NAPB: variants seen among roughly 807,000 people sequenced by gnomAD.
NAPB encodes NSF attachment protein beta.
In NAPB, 26 loss-of-function variants were observed where a neutral mutation model predicts 44.7. The ratio of observed to expected loss-of-function variants is 0.58; its 90% CI spans 0.43 to 0.81. The LOEUF is 0.81. Ranked by LOEUF, NAPB falls within the 30% of genes least tolerant of loss-of-function variation. NAPB has a pLI of 0.00. For missense variants in NAPB, 315 were observed against 356.4 expected (o/e 0.88, Z 0.94); for synonymous variants, 120 against 116.8 (o/e 1.03, Z -0.18).
chr20:23,403,754 C>T (rs561985172), intron 1 of NAPB, among the ~76,000 whole-genome samples: 3 of 152,204 alleles, frequency 2.0e-5, no homozygotes, highest in Admixed American at 6.5e-5. Context: ...GTTAAAAGTA[C>T]GTTTTTCAAA....
Position 23,379,512 on chromosome 20 carries a change from ATTTT to A in NAPB, c.736-21_736-18del. 6.3e-7 allele frequency: 1 copy of A among 1,595,236 alleles called. No homozygotes were observed. The highest frequency in any genetic ancestry group is 1.8e-5 in the Admixed American group (1 of 56,654). On this transcript the variant is annotated intron_variant, in intron 9 of 10. Coordinates refer to ENST00000377026, the MANE Select transcript of NAPB (RefSeq NM_022080.3). ...TAGGAGTTTCTGGTAGCATAAAAATATTTTAAAAAACAGTTCTGTAAGATGAAGT... is the reference window on the plus strand; with the variant it reads ...TAGGAGTTTCTGGTAGCATAAAAATAAAAAAACAGTTCTGTAAGATGAAGT...
At chr20:23,396,896 C>A in intron 3 of NAPB, 176 bp downstream of exon 3, 1 of 489,834 alleles carries the variant, frequency 2.0e-6, no homozygotes, top group East Asian at 3.6e-5. Context: ...TAAAAGCCCC[C>A]AAATGATTAA....
At chr20:23,417,985 G>C (rs528687252) in intron 1 of NAPB, among the ~76,000 whole-genome samples, 15 of 152,308 alleles carry the variant, frequency 9.8e-5, no homozygotes, top group African/African-American at 3.6e-4. Flanking sequence ...TAAGAATACA[G>C]TATTGCCACA....
At chr20:23,415,008 T>C (rs962224413) in intron 1 of NAPB, among the ~76,000 whole-genome samples, 4 of 152,278 alleles carry the variant, frequency 2.6e-5, no homozygotes, top group African/African-American at 7.2e-5. Context: ...TGAATTAAGA[T>C]TTAAATATGC....
At position 23,377,202 on chromosome 20, in the gene NAPB, C is replaced by A; in HGVS notation, c.*174G>T. 5.3e-6 allele frequency: 2 copies of A among 379,574 alleles called. No individual in the cohort carries two copies. Among genetic ancestry groups the A allele is most frequent in the South Asian group, 9.5e-5 (1 of 10,530 alleles). 23.5% of individuals were successfully genotyped at this position (379,574 alleles called of 1,614,324 possible). ...ATCATTACCACAAGATGAACAGGAGCCTCTCCTTCATTCATTTCACAGCAA... is the reference window on the plus strand; with the variant it reads ...ATCATTACCACAAGATGAACAGGAGACTCTCCTTCATTCATTTCACAGCAA... On this transcript the variant is annotated 3_prime_UTR_variant, in exon 11 of 11. Transcript: ENST00000377026.
At position 23,376,092 on chromosome 20, in the gene NAPB, G is replaced by C. The variant is rs1226280508; in HGVS notation, c.*1284C>G. ...CGTTACCTGTCATCAGTGAAGCTCC[G>C]TGATGTCAGAGTGTCTGCTGGGTTA... On this transcript the variant is annotated 3_prime_UTR_variant, in exon 11 of 11. Transcript: ENST00000377026. 1 of 152,142 alleles carries C rather than the reference G, an allele frequency of 6.6e-6. No homozygotes were observed. The highest frequency in any genetic ancestry group is 6.5e-5 in the Admixed American group (1 of 15,278). The allele number at this position is 152,142 out of a possible 1,614,324, so 9.4% of individuals were successfully genotyped here. A position where few individuals can be genotyped will look rare whatever the true frequency, so the allele number is the denominator to read the frequency against.
chr20:23,413,588 A>G (rs779227976), intron 1 of NAPB, among the ~76,000 whole-genome samples: 49 of 152,164 alleles, frequency 3.2e-4, no homozygotes, highest in Non-Finnish European at 5.9e-4. Flanking sequence ...TTGTTTAGAG[A>G]AAAAGAATCA....
intron 3 of NAPB, 128 bp from the exon 4 acceptor site, chr20:23,395,313 G>A: frequency 1.1e-6 from 1 of 904,398 alleles, no homozygotes; most frequent in Non-Finnish European, 1.7e-6. Flanking sequence ...GGGTGGGCAG[G>A]TTAATGAGAA....
intron 10 of NAPB, 59 bp downstream of exon 10, chr20:23,379,386 A>G: frequency 3.1e-6 from 4 of 1,296,868 alleles, no homozygotes; most frequent in Non-Finnish European, 4.3e-6. Context: ...GAAAAGGAAA[A>G]GAAGTTTCTT....
At chr20:23,399,274 T>C (rs975179345) in intron 2 of NAPB, among the ~76,000 whole-genome samples, 2 of 152,104 alleles carry the variant, frequency 1.3e-5, no homozygotes, top group Non-Finnish European at 2.9e-5. Flanking sequence ...GAGCCTGATA[T>C]CCAATTTGAC....
chr20:23,416,808 A>G (rs1279958231), intron 1 of NAPB, among the ~76,000 whole-genome samples: 1 of 152,224 alleles, frequency 6.6e-6, no homozygotes, highest in Non-Finnish European at 1.5e-5. Context: ...TGGCCCCACC[A>G]TATTTTGGCC....
chr20:23,421,454 G>C lies in NAPB; in HGVS notation c.-52C>G. ...CCTCAGCCGGCTCGCTGTGCGCCCA[G>C]GCGCCTTAACCCTCCCTCTGGCGGC... On this transcript the variant is annotated 5_prime_UTR_variant, in exon 1 of 11. Transcript: ENST00000377026. 6.6e-7 allele frequency: 1 copy of C among 1,508,852 alleles called. No homozygotes were observed. The highest frequency in any genetic ancestry group is 2.1e-5 in the Admixed American group (1 of 48,204). 93.5% of individuals were successfully genotyped at this position (1,508,852 alleles called of 1,614,324 possible). A position where few individuals can be genotyped will look rare whatever the true frequency, so the allele number is the denominator to read the frequency against.
chr20:23,408,168 TGAA>T (rs752270437), intron 1 of NAPB, among the ~76,000 whole-genome samples: 5 of 152,162 alleles, frequency 3.3e-5, no homozygotes, highest in Non-Finnish European at 7.3e-5. Flanking sequence ...CAGGATGCCA[TGAA>T]GGGGTGTGTC....
intron 2 of NAPB, among the ~76,000 whole-genome samples, chr20:23,400,745 A>G (rs1352392679): frequency 6.6e-6 from 1 of 152,200 alleles, no homozygotes; most frequent in Non-Finnish European, 1.5e-5. Flanking sequence ...CACCAATGCA[A>G]CATGGATAGA....
chr20:23,386,301 CAAT>C (rs1444795458), intron 7 of NAPB, among the ~76,000 whole-genome samples: 3 of 151,856 alleles, frequency 2.0e-5, no homozygotes, highest in African/African-American at 7.3e-5. Flanking sequence ...GAGGAAATAA[CAAT>C]AAAAACAGAA....
intron 7 of NAPB, among the ~76,000 whole-genome samples, chr20:23,384,394 G>A (rs199880935): frequency 3.9e-5 from 6 of 151,984 alleles, no homozygotes; most frequent in Admixed American, 3.3e-4. Flanking sequence ...AAACCCCATC[G>A]CTACAAAAAG....
chr20:23,400,452 G>T (rs1223070077), intron 2 of NAPB, among the ~76,000 whole-genome samples: 1 of 152,120 alleles, frequency 6.6e-6, no homozygotes, highest in Non-Finnish European at 1.5e-5. Context: ...GGAGGCGGAG[G>T]TTGCAGTGAG....
chr20:23,404,189 C>T (rs929589961), intron 1 of NAPB, among the ~76,000 whole-genome samples: 2 of 152,160 alleles, frequency 1.3e-5, no homozygotes, highest in Non-Finnish European at 2.9e-5. Flanking sequence ...CCATGAAAGA[C>T]GTTTATCTAT....
intron 7 of NAPB, among the ~76,000 whole-genome samples, chr20:23,386,886 T>A (rs1230795369): frequency 2.0e-5 from 3 of 152,186 alleles, no homozygotes; most frequent in Non-Finnish European, 4.4e-5. Context: ...TCTAACAAAT[T>A]ATTAATAAAC....
Sources: allele counts gnomAD v4.1 joint callset (sites outside exome capture counted in the v4.1 genomes callset), GRCh38; gene constraint gnomAD v4.1.1; transcripts MANE v1.5; gene names NCBI Gene and HGNC (gene_info 2026-07-23, HGNC 2026-07-21).